SCLT1: variants seen among roughly 807,000 people sequenced by gnomAD.
The protein encoded by SCLT1 is sodium channel and clathrin linker 1, also known as sodium channel-associated protein 1.
SCLT1 carries 78 observed loss-of-function variants against 112.8 expected under a neutral mutation model. That is an observed-to-expected ratio of 0.69 (90% CI 0.58 to 0.83). The LOEUF (loss-of-function observed/expected upper bound fraction) is 0.83, where lower values mean the gene tolerates loss of function less well. Ranked by LOEUF, SCLT1 falls within the 40% of genes least tolerant of loss-of-function variation. The pLI, the probability that SCLT1 is intolerant of heterozygous loss-of-function variation, is 0.00. For missense variants in SCLT1, 747 were observed against 770.4 expected (o/e 0.97, Z 0.36); for synonymous variants, 257 against 254.7 (o/e 1.01, Z -0.09).
intron 2 of SCLT1, among the ~76,000 whole-genome samples, chr4:129,064,917 T>G (rs1579906990): frequency 6.6e-6 from 1 of 152,162 alleles, no homozygotes; most frequent in African/African-American, 2.4e-5. Context: ...TTTTGGCAAC[T>G]GCTCCATATG....
chr4:128,967,045 G>A lies in SCLT1; in HGVS notation c.778-1727C>T, dbSNP rs539684304. On this transcript the variant is annotated intron_variant, in intron 10 of 20. Coordinates refer to ENST00000281142, the MANE Select transcript of SCLT1 (RefSeq NM_144643.4). ...CCCTCCAGTAGGGCCAGTGTATATC[G>A]TTCCCTTTAGCGTCCATTTGTACTC... Among the ~76,000 whole-genome samples the A allele has an allele frequency of 3.8e-4, 58 of 152,056 alleles. 1 individual carries two copies. The South Asian group carries it at 8.3e-3, about 22-fold the overall frequency.
chr4:129,070,073 T>C (rs1169321064), intron 2 of SCLT1, among the ~76,000 whole-genome samples: 3 of 152,208 alleles, frequency 2.0e-5, no homozygotes, highest in African/African-American at 7.2e-5. Flanking sequence ...GACTTGCATA[T>C]GTTAAACCAT....
intron 18 of SCLT1, among the ~76,000 whole-genome samples, chr4:128,928,832 C>T (rs1380574825): frequency 8.7e-5 from 6 of 68,722 alleles, no homozygotes; most frequent in Non-Finnish European, 1.4e-4. Context: ...AACTCCGTCT[C>T]GCAAAAAAAA....
rs535632501 is a variant in SCLT1 at position 129,040,827 on chromosome 4, C to G, written c.235-1731G>C. 6.6e-5 allele frequency among the ~76,000 whole-genome samples: 10 copies of G among 152,194 alleles called. No individual in the cohort carries two copies. In the East Asian group the frequency reaches 1.7e-3, roughly 26 times the overall value. ...AATCAATCACATCTATCTGAGCAACCATTCTTAGCTGTCAACATTTTTTTT... is the reference window on the plus strand; with the variant it reads ...AATCAATCACATCTATCTGAGCAACGATTCTTAGCTGTCAACATTTTTTTT... On this transcript the variant is annotated intron_variant, in intron 4 of 20. Coordinates refer to ENST00000281142, the MANE Select transcript of SCLT1 (RefSeq NM_144643.4).
At chr4:129,067,658 A>G (rs2125745377) in intron 2 of SCLT1, among the ~76,000 whole-genome samples, 1 of 151,880 alleles carries the variant, frequency 6.6e-6, no homozygotes, top group East Asian at 1.9e-4. Context: ...TAACAGGTGC[A>G]TACCACCATA....
chr4:128,959,411 A>G (rs1739491963), intron 12 of SCLT1, among the ~76,000 whole-genome samples, 189 bp downstream of exon 12: 1 of 152,120 alleles, frequency 6.6e-6, no homozygotes, highest in African/African-American at 2.4e-5. Context: ...ATTTTAGAAA[A>G]GAATTGATGT....
chr4:129,041,063 A>G (rs142819111), intron 4 of SCLT1, among the ~76,000 whole-genome samples: 2 of 152,240 alleles, frequency 1.3e-5, no homozygotes, highest in African/African-American at 4.8e-5. Flanking sequence ...TTTCAAGATA[A>G]TTAGCTATCC....
intron 16 of SCLT1, 43 bp from the exon 17 acceptor site, chr4:128,943,231 T>C (rs1038866885): frequency 5.9e-6 from 8 of 1,352,366 alleles, no homozygotes; most frequent in Non-Finnish European, 8.2e-6. Flanking sequence ...AACTTAATGA[T>C]CTATAGTAGA....
At chr4:128,902,115 G>A (rs1288534211) in intron 18 of SCLT1, among the ~76,000 whole-genome samples, 1 of 152,000 alleles carries the variant, frequency 6.6e-6, no homozygotes, top group Admixed American at 6.6e-5. Context: ...ATGTTGTCCA[G>A]GTTGGTCTCA....
intron 18 of SCLT1, among the ~76,000 whole-genome samples, chr4:128,912,358 A>G (rs1375428710): frequency 6.6e-6 from 1 of 152,140 alleles, no homozygotes; most frequent in East Asian, 1.9e-4. Flanking sequence ...TATGGATGCT[A>G]TTGTATGTCA....
At chr4:128,957,804 C>A (rs1739343268) in intron 12 of SCLT1, among the ~76,000 whole-genome samples, 1 of 152,152 alleles carries the variant, frequency 6.6e-6, no homozygotes, top group South Asian at 2.1e-4. Flanking sequence ...TACTTCTTTA[C>A]CAGCAGCACT....
At chr4:129,007,688 A>T (rs1744150283) in intron 5 of SCLT1, among the ~76,000 whole-genome samples, 1 of 152,074 alleles carries the variant, frequency 6.6e-6, no homozygotes, top group Non-Finnish European at 1.5e-5. Flanking sequence ...CTGGTAAATC[A>T]CTCTTAAAAT....
intron 18 of SCLT1, among the ~76,000 whole-genome samples, chr4:128,913,656 G>C (rs550809160): frequency 6.6e-6 from 1 of 152,244 alleles, no homozygotes; most frequent in Admixed American, 6.5e-5. Flanking sequence ...GTTGGCCAAG[G>C]AAGAAGAGAA....
chr4:128,959,649 G>T lies in SCLT1; in HGVS notation c.998C>A (p.Ala333Asp), dbSNP rs774049589. ...TTCTAAGAGTTGCATGCTATTTCTG[G>T]CTCTTACAATAGCCTCATATCTCTC... ...ENERYEAIVR[A>D]RNSMQLLEEA... Residue 333 changes from alanine (A) to aspartate (D), a missense_variant, in exon 12 of 21, where the codon GCC (alanine) becomes GAC (aspartate). By Grantham distance (126) the Ala-to-Asp change is moderately radical. Transcript: ENST00000281142. 1.4e-5 allele frequency: 22 copies of T among 1,613,166 alleles called. No individual in the cohort carries two copies. In the Admixed American group the frequency reaches 2.3e-4, roughly 17 times the overall value.
intron 18 of SCLT1, among the ~76,000 whole-genome samples, chr4:128,919,336 A>C (rs1030777626): frequency 7.9e-5 from 12 of 152,194 alleles, no homozygotes; most frequent in African/African-American, 2.9e-4. Context: ...GGGAAACTAT[A>C]AAACTAAGGC....
At position 128,910,026 on chromosome 4, in the gene SCLT1, T is replaced by C. The variant is rs543240573; in HGVS notation, c.1830-18889A>G. ...GAAACCAGAGTGAAGGCGGCCACTT[T>C]AGGAGCCATAGTTAAAGATGTGAGG... On this transcript the variant is annotated intron_variant, in intron 18 of 20. Coordinates refer to ENST00000281142, the MANE Select transcript of SCLT1 (RefSeq NM_144643.4). Among the ~76,000 whole-genome samples the C allele has an allele frequency of 3.9e-5, 6 of 152,302 alleles. No homozygotes were observed. In the East Asian group the frequency reaches 1.2e-3, roughly 29 times the overall value.
intron 18 of SCLT1, among the ~76,000 whole-genome samples, chr4:128,913,982 A>G (rs1735284501): frequency 6.6e-6 from 1 of 152,192 alleles, no homozygotes; most frequent in Non-Finnish European, 1.5e-5. Context: ...GCTCCTCACC[A>G]CTGCCCACAA....
At chr4:128,999,950 A>C (rs1005751043) in intron 6 of SCLT1, among the ~76,000 whole-genome samples, 156 bp from the exon 7 acceptor site, 6 of 151,986 alleles carry the variant, frequency 3.9e-5, no homozygotes, top group Admixed American at 3.3e-4. Flanking sequence ...TTTGATATGA[A>C]GTTTTATTAT....
At chr4:128,974,813 A>G (rs1741002096) in intron 9 of SCLT1, among the ~76,000 whole-genome samples, 1 of 152,098 alleles carries the variant, frequency 6.6e-6, no homozygotes, top group South Asian at 2.1e-4. Flanking sequence ...TATAAAAGTC[A>G]AGAACAGTTT....
Sources: gnomAD v4.1 joint callset for allele counts (sites outside exome capture counted in the v4.1 genomes callset) on GRCh38, gnomAD v4.1.1 for gene constraint, MANE v1.5 for transcripts, NCBI Gene and HGNC (gene_info 2026-07-23, HGNC 2026-07-21) for gene names.